SESN1: variants seen among roughly 807,000 people sequenced by gnomAD.
The protein encoded by SESN1 is sestrin 1, also known as sestrin-1.
A neutral mutation model predicts 59.3 loss-of-function variants in SESN1; 30 were observed. That is an observed-to-expected ratio of 0.51 (90% CI 0.38 to 0.69). The LOEUF (loss-of-function observed/expected upper bound fraction) is 0.69. SESN1 is among the 30% of genes least tolerant of loss of function. The probability of loss-of-function intolerance (pLI) is 0.00; values close to 1 mark genes in which losing one functional copy is unlikely to be tolerated. For synonymous variants in SESN1, 197 were observed against 219.9 expected (o/e 0.90, Z 0.92); for missense variants, 566 against 673.0 (o/e 0.84, Z 1.76).
intron 1 of SESN1, among the ~76,000 whole-genome samples, chr6:109,044,210 G>A (rs1005510916): frequency 6.7e-6 from 1 of 149,846 alleles, no homozygotes; most frequent in Non-Finnish European, 1.5e-5. Context: ...AGCTACTTGG[G>A]AGGCTAAGAC....
Position 108,998,417 on chromosome 6 carries a change from A to C in SESN1, c.972+96T>G, listed in dbSNP as rs532797710. 9.4e-5 allele frequency: 138 copies of C among 1,463,750 alleles called. 1 individual carries two copies. In the South Asian group the frequency reaches 1.7e-3, roughly 18 times the overall value. 90.7% of individuals were successfully genotyped at this position (1,463,750 alleles called of 1,614,324 possible). A position where few individuals can be genotyped will look rare whatever the true frequency, so the allele number is the denominator to read the frequency against. On this transcript the variant is annotated intron_variant, in intron 5 of 9. Coordinates refer to ENST00000436639, the MANE Select transcript of SESN1 (RefSeq NM_014454.3). ...GGGGCCCAATATCTCCACAGTCTTA[A>C]CAGGGTGGGTTTTTCTAAGAAGCCA...
At chr6:109,028,428 G>A (rs1780129297) in intron 1 of SESN1, among the ~76,000 whole-genome samples, 1 of 152,030 alleles carries the variant, frequency 6.6e-6, no homozygotes, top group Non-Finnish European at 1.5e-5. Flanking sequence ...TGTTATCACA[G>A]GGACCAAATT....
intron 1 of SESN1, among the ~76,000 whole-genome samples, chr6:109,006,249 G>A (rs1255340117): frequency 6.6e-6 from 1 of 152,036 alleles, no homozygotes; most frequent in Non-Finnish European, 1.5e-5. Flanking sequence ...TATGAAGCAG[G>A]TACTATTATT....
At chr6:109,032,214 G>A (rs182057711) in intron 1 of SESN1, among the ~76,000 whole-genome samples, 64 of 151,938 alleles carry the variant, frequency 4.2e-4, no homozygotes, top group Admixed American at 2.9e-3. Context: ...GGAGGTTGCG[G>A]TGAGCTGAGA....
intron 6 of SESN1, chr6:108,993,105 C>CAA (rs1270789924): frequency 2.0e-6 from 1 of 495,958 alleles, no homozygotes; most frequent in Non-Finnish European, 3.5e-6. Context: ...AATGAAAACT[C>CAA]ATAGTTGAAT....
At chr6:109,036,533 G>A (rs1007875285) in intron 1 of SESN1, among the ~76,000 whole-genome samples, 2 of 152,158 alleles carry the variant, frequency 1.3e-5, no homozygotes, top group Non-Finnish European at 2.9e-5. Context: ...GTTTTTATCT[G>A]AGGTTTGAGG....
chr6:109,056,824 C>T (rs898336326), intron 1 of SESN1, among the ~76,000 whole-genome samples: 3 of 152,226 alleles, frequency 2.0e-5, no homozygotes, highest in African/African-American at 2.4e-5. Flanking sequence ...CCTTCCCATA[C>T]TGTATCAGGG....
At chr6:109,053,462 G>C (rs988340568) in intron 1 of SESN1, among the ~76,000 whole-genome samples, 1 of 152,118 alleles carries the variant, frequency 6.6e-6, no homozygotes, top group Admixed American at 6.5e-5. Flanking sequence ...GGGGAAGAGA[G>C]AACATTCCAT....
chr6:109,028,877 T>C (rs1780138732), intron 1 of SESN1, among the ~76,000 whole-genome samples: 2 of 151,964 alleles, frequency 1.3e-5, no homozygotes, highest in Non-Finnish European at 2.9e-5. Context: ...GCTGAAGAAA[T>C]GAAAAAATGG....
intron 1 of SESN1, among the ~76,000 whole-genome samples, chr6:109,087,398 G>A (rs1022353107): frequency 6.6e-6 from 1 of 152,052 alleles, no homozygotes; most frequent in African/African-American, 2.4e-5. Flanking sequence ...TTTATCCAAA[G>A]AAGGACAGAA....
chr6:109,028,895 T>C (rs1358473655), intron 1 of SESN1, among the ~76,000 whole-genome samples: 1 of 152,128 alleles, frequency 6.6e-6, no homozygotes, highest in African/African-American at 2.4e-5. Context: ...TGGTACAGGA[T>C]TGCGCATGGT....
At chr6:109,039,284 A>T (rs966167990) in intron 1 of SESN1, among the ~76,000 whole-genome samples, 7 of 152,378 alleles carry the variant, frequency 4.6e-5, no homozygotes, top group African/African-American at 1.7e-4. Context: ...TTTGTATGGA[A>T]TATAAATTGT....
intron 1 of SESN1, among the ~76,000 whole-genome samples, chr6:109,044,251 G>A (rs1211579726): frequency 7.2e-6 from 1 of 138,528 alleles, no homozygotes; most frequent in Non-Finnish European, 1.5e-5. Context: ...GGATACCAGG[G>A]CAGTGAGCCG....
intron 1 of SESN1, among the ~76,000 whole-genome samples, chr6:109,060,476 T>C (rs528343865): frequency 4.6e-5 from 7 of 152,322 alleles, no homozygotes; most frequent in Admixed American, 4.6e-4. Context: ...CCTTTTCTAT[T>C]GATTAGTTCA....
intron 1 of SESN1, among the ~76,000 whole-genome samples, chr6:109,020,384 G>A (rs780443738): frequency 6.6e-6 from 1 of 152,000 alleles, no homozygotes; most frequent in South Asian, 2.1e-4. Flanking sequence ...TAAAATAATA[G>A]TGTATTTTTA....
intron 5 of SESN1, among the ~76,000 whole-genome samples, chr6:108,998,211 C>T (rs1300101748): frequency 1.3e-5 from 2 of 152,212 alleles, no homozygotes; most frequent in Non-Finnish European, 2.9e-5. Context: ...AGTAGCCAAT[C>T]AATATTATTT....
Position 108,994,257 on chromosome 6 carries a change from C to T in SESN1, c.1120+205G>A, listed in dbSNP as rs528638192. Among the ~76,000 whole-genome samples, 78 of 151,824 alleles carry T rather than the reference C, an allele frequency of 5.1e-4. 1 individual carries two copies. Among genetic ancestry groups the T allele is most frequent in the Admixed American group, 2.0e-4 (3 of 15,262 alleles). ...TAGTGCCAGAATCCAAATTAAATGT[C>T]CTCCCCCTTAGTCTAGGATGTTTTC... On this transcript the variant is annotated intron_variant, in intron 6 of 9. Transcript: ENST00000436639.
intron 1 of SESN1, among the ~76,000 whole-genome samples, chr6:109,050,260 C>T (rs1780520173): frequency 1.3e-5 from 2 of 152,100 alleles, no homozygotes; most frequent in Non-Finnish European, 2.9e-5. Flanking sequence ...ACCAATTGTG[C>T]TACCAGCTGA....
chr6:109,082,653 T>C (rs937251703), intron 1 of SESN1, among the ~76,000 whole-genome samples: 3 of 152,208 alleles, frequency 2.0e-5, no homozygotes, highest in Non-Finnish European at 2.9e-5. Flanking sequence ...TGGACTCCAA[T>C]GAAGGGCTGG....
Sources: allele counts gnomAD v4.1 joint callset (sites outside exome capture counted in the v4.1 genomes callset), GRCh38; gene constraint gnomAD v4.1.1; transcripts MANE v1.5; gene names NCBI Gene and HGNC (gene_info 2026-07-23, HGNC 2026-07-21).